MRC2: variants seen among roughly 807,000 people sequenced by gnomAD.
MRC2 encodes the protein C-type mannose receptor 2.
MRC2 carries 84 observed loss-of-function variants against 206.2 expected under a neutral mutation model. The ratio of observed to expected loss-of-function variants is 0.41; its 90% CI spans 0.34 to 0.49. The LOEUF (loss-of-function observed/expected upper bound fraction) is 0.49. Ranked by LOEUF, MRC2 falls within the 20% of genes least tolerant of loss-of-function variation. MRC2 has a pLI of 0.31. For synonymous variants in MRC2, 798 were observed against 800.0 expected (o/e 1.00, Z 0.04); for missense variants, 1,676 against 2,001.5 (o/e 0.84, Z 3.10).
chr17:62,630,169 G>T (rs946013811), intron 1 of MRC2, among the ~76,000 whole-genome samples: 1 of 152,182 alleles, frequency 6.6e-6, no homozygotes, highest in Non-Finnish European at 1.5e-5. Context: ...AAAGAAAATC[G>T]TGTGGGAGAA....
intron 20 of MRC2, 101 bp downstream of exon 20, chr17:62,682,478 C>G: frequency 7.2e-7 from 1 of 1,385,748 alleles, no homozygotes; most frequent in South Asian, 1.5e-5. Context: ...GCACCAAACT[C>G]ATGGCCTCTT....
intron 1 of MRC2, among the ~76,000 whole-genome samples, chr17:62,631,787 A>G (rs541215856): frequency 6.7e-4 from 102 of 152,278 alleles, no homozygotes; most frequent in Non-Finnish European, 1.3e-3. Flanking sequence ...GAGTGACTCA[A>G]GGTGCCCCAG....
At chr17:62,669,376 C>T (rs537212452) in intron 6 of MRC2, among the ~76,000 whole-genome samples, 1 of 151,942 alleles carries the variant, frequency 6.6e-6, no homozygotes, top group Admixed American at 6.6e-5. Flanking sequence ...CACTACTTCC[C>T]GGCTAACTTT....
chr17:62,688,754 C>T (rs2089063669), intron 22 of MRC2, 90 bp downstream of exon 22: 1 of 1,592,172 alleles, frequency 6.3e-7, no homozygotes, highest in African/African-American at 1.3e-5. Context: ...CCCAGGGTCT[C>T]CCTTCTTCCA....
Position 62,680,722 on chromosome 17 carries a change from C to A in MRC2, c.2474-78C>A. ...CTGCTGCCGCCTGGCTCTGCCCCGG[C>A]CCTGCCGCGCCCGCCTCCGGGGCCT... On this transcript the variant is annotated intron_variant, in intron 16 of 29. Coordinates refer to ENST00000303375, the MANE Select transcript of MRC2 (RefSeq NM_006039.5). The surrounding 1 kb of genome is among the most constrained non-coding windows in gnomAD (Gnocchi z 4.8). The A allele has an allele frequency of 7.1e-7, 1 of 1,403,424 alleles. No homozygotes were observed. The allele number at this position is 1,403,424 out of a possible 1,614,324, so 86.9% of individuals were successfully genotyped here. A position where few individuals can be genotyped will look rare whatever the true frequency, so the allele number is the denominator to read the frequency against.
At chr17:62,644,623 C>G (rs897981713) in intron 1 of MRC2, among the ~76,000 whole-genome samples, 2 of 152,146 alleles carry the variant, frequency 1.3e-5, no homozygotes, top group Non-Finnish European at 2.9e-5. Flanking sequence ...CAGTCAGTCA[C>G]GTGACCCCAG....
chr17:62,692,951 C>T lies in MRC2; in HGVS notation c.*500C>T. On this transcript the variant is annotated 3_prime_UTR_variant, in exon 30 of 30. Coordinates refer to ENST00000303375, the MANE Select transcript of MRC2 (RefSeq NM_006039.5). This position sits in a 1 kb window ranked among gnomAD's most constrained non-coding sequence, Gnocchi z 4.2. ...CCCACCCCTTCCTTCTGAGCCGGGC[C>T]CTGGGGATTGGGGAGCCCTCTTGTT... 6.3e-6 allele frequency: 1 copy of T among 159,564 alleles called. No homozygotes were observed. The highest frequency in any genetic ancestry group is 1.4e-5 in the Non-Finnish European group (1 of 71,882). The allele number at this position is 159,564 out of a possible 1,614,324, so 9.9% of individuals were successfully genotyped here.
At chr17:62,658,831 G>A (rs2088648114) in intron 1 of MRC2, among the ~76,000 whole-genome samples, 1 of 152,206 alleles carries the variant, frequency 6.6e-6, no homozygotes, top group South Asian at 2.1e-4. Flanking sequence ...ACTGCCTGGA[G>A]TAGAGTTTCT....
At chr17:62,649,631 A>G (rs1014526709) in intron 1 of MRC2, among the ~76,000 whole-genome samples, 1 of 152,046 alleles carries the variant, frequency 6.6e-6, no homozygotes, top group Non-Finnish European at 1.5e-5. Flanking sequence ...CAAACAAGTG[A>G]TCTTTGAATG....
At chr17:62,677,822 C>A (rs1016379638) in intron 12 of MRC2, among the ~76,000 whole-genome samples, 2 of 152,094 alleles carry the variant, frequency 1.3e-5, no homozygotes, top group Admixed American at 1.3e-4. Flanking sequence ...GAGGTCAAGG[C>A]GGGTGGATCA....
intron 6 of MRC2, among the ~76,000 whole-genome samples, chr17:62,669,334 C>T (rs1030770559): frequency 6.6e-6 from 1 of 151,930 alleles, no homozygotes; most frequent in African/African-American, 2.4e-5. Context: ...CGTGCCTCAG[C>T]CTCCTGAGTA....
At position 62,664,494 on chromosome 17, in the gene MRC2, AG is replaced by A; in HGVS notation, c.119-51del. 6.4e-7 allele frequency: 1 copy of A among 1,551,084 alleles called. No individual in the cohort carries two copies. Among genetic ancestry groups the A allele is most frequent in the Non-Finnish European group, 8.7e-7 (1 of 1,149,782 alleles). ...TGCCTGTCAGCCACACCGGTCATCA[AG>A]GGCCAACCAGGAGAGCCCCTGTGAT... On this transcript the variant is annotated intron_variant, in intron 1 of 29. Coordinates refer to ENST00000303375, the MANE Select transcript of MRC2 (RefSeq NM_006039.5). The surrounding 1 kb of genome is among the most constrained non-coding windows in gnomAD (Gnocchi z 4.7).
Position 62,680,400 on chromosome 17 carries a change from T to C in MRC2, c.2438-18T>C, listed in dbSNP as rs758287678. The C allele has an allele frequency of 3.1e-6, 5 of 1,614,070 alleles. No homozygotes were observed. In the South Asian group the frequency reaches 5.5e-5, roughly 18 times the overall value. On this transcript the variant is annotated intron_variant, in intron 15 of 29. Coordinates refer to ENST00000303375, the MANE Select transcript of MRC2 (RefSeq NM_006039.5). This position sits in a 1 kb window ranked among gnomAD's most constrained non-coding sequence, Gnocchi z 4.8. ...AGGGTCTCCTTTCCTCACAACGTCT[T>C]TGTCCTTGTTCCCCTAGGTACGGAC...
chr17:62,676,296 C>T (rs1029559923), intron 10 of MRC2, 87 bp from the exon 11 acceptor site: 10 of 1,542,154 alleles, frequency 6.5e-6, no homozygotes, highest in Non-Finnish European at 8.7e-6. Flanking sequence ...GGTGCAGCAC[C>T]CGAGCTCCCA....
intron 1 of MRC2, among the ~76,000 whole-genome samples, chr17:62,660,373 T>C (rs1340404327): frequency 6.6e-6 from 1 of 152,154 alleles, no homozygotes; most frequent in Non-Finnish European, 1.5e-5. Context: ...CCTTAAATCC[T>C]TGGTGACTCC....
At chr17:62,660,456 G>A (rs1209909150) in intron 1 of MRC2, among the ~76,000 whole-genome samples, 1 of 152,230 alleles carries the variant, frequency 6.6e-6, no homozygotes, top group African/African-American at 2.4e-5. Context: ...AGAGGTTTCA[G>A]TTGCTATCTG....
At chr17:62,643,443 G>A (rs558516196) in intron 1 of MRC2, among the ~76,000 whole-genome samples, 1 of 152,196 alleles carries the variant, frequency 6.6e-6, no homozygotes, top group South Asian at 2.1e-4. Flanking sequence ...TGCGGGAGAA[G>A]GGTACTCAGC....
intron 1 of MRC2, among the ~76,000 whole-genome samples, chr17:62,658,671 C>T (rs2088646060): frequency 6.6e-6 from 1 of 152,196 alleles, no homozygotes; most frequent in South Asian, 2.1e-4. Flanking sequence ...AGATAACGTC[C>T]TCTTGGGCTA....
Position 62,690,426 on chromosome 17 carries a change from G to A in MRC2, c.3892+121G>A, listed in dbSNP as rs1411895054. On this transcript the variant is annotated intron_variant, in intron 26 of 29. Transcript: ENST00000303375. ...CCCATAGGCAGCACTTACACAAGAT[G>A]CCCTCGTGCTCTCACATGTGGAGAC... 7.9e-6 allele frequency: 11 copies of A among 1,398,718 alleles called. No individual in the cohort carries two copies. In the Admixed American group the frequency reaches 2.2e-4, roughly 28 times the overall value. 86.6% of individuals were successfully genotyped at this position (1,398,718 alleles called of 1,614,324 possible).
Sources: allele counts gnomAD v4.1 joint callset (sites outside exome capture counted in the v4.1 genomes callset), GRCh38; gene constraint gnomAD v4.1.1; non-coding constraint Gnocchi (gnomAD v3.1); transcripts MANE v1.5; gene names NCBI Gene and HGNC (gene_info 2026-07-23, HGNC 2026-07-21).